The following PCDHGB6 variants were observed in gnomAD, a reference collection of about 807,000 sequenced individuals.
PCDHGB6 encodes the protein protocadherin gamma subfamily B, 6.
PCDHGB6 carries 51 observed loss-of-function variants against 59.1 expected under a neutral mutation model. That is an observed-to-expected ratio of 0.86 (90% CI 0.69 to 1.09). The LOEUF (loss-of-function observed/expected upper bound fraction) is 1.09, where lower values mean the gene tolerates loss of function less well. PCDHGB6 is among the 50% of genes least tolerant of loss of function. The probability of loss-of-function intolerance (pLI) is 0.00; values close to 1 mark genes in which losing one functional copy is unlikely to be tolerated. For synonymous variants in PCDHGB6, 466 were observed against 495.1 expected, an observed-to-expected ratio of 0.94 and a Z score of 0.78; for missense variants, 1,148 against 1,205.1, an observed-to-expected ratio of 0.95 and a Z score of 0.70.
chr5:141,409,629 C>T lies in PCDHGB6; in HGVS notation c.1427C>T (p.Ala476Val), dbSNP rs1379627250. 1.9e-6 allele frequency: 3 copies of T among 1,613,860 alleles called. No individual in the cohort carries two copies. The highest frequency in any genetic ancestry group is 4.5e-5 in the East Asian group (2 of 44,888). The change falls in exon 1 of 4, where the codon GCC becomes GTC. Residue 476 changes from alanine to valine, a missense_variant. Coordinates refer to ENST00000520790, the MANE Select transcript of PCDHGB6 (RefSeq NM_018926.3). ...GGAGCCTCCATTGCGCAAGTGAGCG[C>T]CTCTGACCCGGATTTGGGGCTCAAT... ...PPGASIAQVS[A>V]SDPDLGLNGH... is the part of the protein sequence containing the mutation.
chr5:141,417,791 C>G, intron 1 of PCDHGB6: 1 of 1,482,658 alleles, frequency 6.7e-7, no homozygotes, highest in Non-Finnish European at 9.0e-7. Context: ...GCCGAATGCT[C>G]TTTTAGCGCG....
chr5:141,460,681 A>G (rs2098995379), intron 1 of PCDHGB6, among the ~76,000 whole-genome samples: 1 of 152,134 alleles, frequency 6.6e-6, no homozygotes, highest in African/African-American at 2.4e-5. Context: ...ATATATCTAT[A>G]TATCCACCAA....
chr5:141,511,537 A>G lies in PCDHGB6; in HGVS notation c.*364A>G. 2 of 319,256 alleles carry G rather than the reference A, an allele frequency of 6.3e-6. No individual in the cohort carries two copies. Among genetic ancestry groups the G allele is most frequent in the South Asian group, 3.3e-5 (1 of 29,854 alleles). 19.8% of individuals were successfully genotyped at this position (319,256 alleles called of 1,614,324 possible). A position where few individuals can be genotyped will look rare whatever the true frequency, so the allele number is the denominator to read the frequency against. On this transcript the variant is annotated 3_prime_UTR_variant, in exon 4 of 4. Coordinates refer to ENST00000520790, the MANE Select transcript of PCDHGB6 (RefSeq NM_018926.3). ...TCCATCCCATGCCTCCCTCCTCCCC[A>G]CCCCACTCCAACAGTTCCTCTTTCC... is the stretch of plus-strand genomic sequence containing the variant.
In PCDHGB6 at chr5:141,491,144, TGGA is replaced by T. The variant is rs757881044; in HGVS notation, c.2419-3659_2419-3657del. ...GAGGTGCGCACAGCCCGGGCCTTAC[TGGA>T]GGATGACTCTGACACCCAGCAGGTG... On this transcript the variant is annotated intron_variant, in intron 1 of 3. Coordinates refer to ENST00000520790, the MANE Select transcript of PCDHGB6 (RefSeq NM_018926.3). This position sits in a 1 kb window ranked among gnomAD's most constrained non-coding sequence, Gnocchi z 6.9. The T allele has an allele frequency of 1.2e-6, 2 of 1,614,158 alleles. No individual in the cohort carries two copies. The highest frequency in any genetic ancestry group is 2.2e-5 in the South Asian group (2 of 91,086).
intron 1 of PCDHGB6, chr5:141,413,659 A>G (rs2095663872): frequency 1.2e-6 from 2 of 1,613,830 alleles, no homozygotes; most frequent in African/African-American, 1.3e-5. Flanking sequence ...CCCGGAAGCT[A>G]TTGATCCGGA....
chr5:141,439,796 G>A (rs980000701), intron 1 of PCDHGB6: 1 of 152,318 alleles, frequency 6.6e-6, no homozygotes. Flanking sequence ...AATCCAAGAA[G>A]AGTTTGAAAA....
chr5:141,511,237 T>C lies in PCDHGB6; in HGVS notation c.*64T>C, dbSNP rs886816274. 1.9e-6 allele frequency: 3 copies of C among 1,590,378 alleles called. No homozygotes were observed. The South Asian group carries it at 3.4e-5, about 18-fold the overall frequency. ...CCAACCAGCCCAGCTTCTCCTTACC[T>C]GCACCCAGGCCTCAGAGTTTCAGGG... On this transcript the variant is annotated 3_prime_UTR_variant, in exon 4 of 4. Coordinates refer to ENST00000520790, the MANE Select transcript of PCDHGB6 (RefSeq NM_018926.3).
intron 2 of PCDHGB6, among the ~76,000 whole-genome samples, chr5:141,501,847 C>T (rs976699397): frequency 1.3e-5 from 2 of 152,140 alleles, no homozygotes; most frequent in Admixed American, 6.5e-5. Context: ...GGCCCTCAAC[C>T]TTCAACCATT....
chr5:141,412,041 T>G (rs2095531468), intron 1 of PCDHGB6: 1 of 152,108 alleles, frequency 6.6e-6, no homozygotes, highest in Non-Finnish European at 1.5e-5. Context: ...GTGAAAGAAG[T>G]GAACTTCTAT....
intron 1 of PCDHGB6, chr5:141,414,525 T>C (rs1413988459): frequency 1.2e-6 from 2 of 1,613,972 alleles, no homozygotes; most frequent in South Asian, 1.1e-5. Flanking sequence ...CAGATATCAA[T>C]GACAACCCAC....
intron 1 of PCDHGB6, chr5:141,427,916 G>T: frequency 1.3e-6 from 2 of 1,578,854 alleles, no homozygotes; most frequent in East Asian, 2.2e-5. Flanking sequence ...GCGCCAACAT[G>T]AGCCGGCGCA....
At chr5:141,474,087 A>C (rs1483673747) in intron 1 of PCDHGB6, among the ~76,000 whole-genome samples, 4 of 152,198 alleles carry the variant, frequency 2.6e-5, no homozygotes, top group South Asian at 2.1e-4. Context: ...AAAACCAAAA[A>C]ACAAACAACA....
intron 1 of PCDHGB6, among the ~76,000 whole-genome samples, chr5:141,492,922 T>C (rs1191111432): frequency 1.3e-5 from 2 of 152,194 alleles, no homozygotes; most frequent in Non-Finnish European, 2.9e-5. Context: ...TGCCCAGCGA[T>C]CTAGGGTCAG....
chr5:141,421,102 T>A (rs1420706532), intron 1 of PCDHGB6: 2 of 691,286 alleles, frequency 2.9e-6, no homozygotes, highest in Admixed American at 6.2e-5. Context: ...CACTGGAGAC[T>A]TAGAAGTATT....
intron 1 of PCDHGB6, among the ~76,000 whole-genome samples, chr5:141,452,054 C>A (rs578157525): frequency 6.4e-4 from 97 of 152,196 alleles, no homozygotes; most frequent in African/African-American, 2.2e-3. Flanking sequence ...TTTGTAATAA[C>A]TTATTCTACT....
At position 141,511,519 on chromosome 5, in the gene PCDHGB6, C is replaced by A; in HGVS notation, c.*346C>A. On this transcript the variant is annotated 3_prime_UTR_variant, in exon 4 of 4. Transcript: ENST00000520790. ...CCAAATCAATCAGGCCCATCCATCC[C>A]ATGCCTCCCTCCTCCCCACCCCACT... 2.7e-6 allele frequency: 1 copy of A among 367,516 alleles called. No individual in the cohort carries two copies. The highest frequency in any genetic ancestry group is 2.7e-5 in the South Asian group (1 of 36,848). 22.8% of individuals were successfully genotyped at this position (367,516 alleles called of 1,614,324 possible). A position where few individuals can be genotyped will look rare whatever the true frequency, so the allele number is the denominator to read the frequency against.
At position 141,413,407 on chromosome 5, in the gene PCDHGB6, C is replaced by G. The variant is rs372466798; in HGVS notation, c.2418+2787C>G. The G allele has an allele frequency of 3.3e-5, 53 of 1,613,926 alleles. No homozygotes were observed. Among genetic ancestry groups the G allele is most frequent in the Middle Eastern group, 1.6e-4 (1 of 6,082 alleles). ...CATAGTCTCCAGAGGTAGGACGCAG[C>G]TTTTCTCTCTGAACCCGCGCAGCGG... On this transcript the variant is annotated intron_variant, in intron 1 of 3. Transcript: ENST00000520790.
chr5:141,469,553 G>A (rs989713451), intron 1 of PCDHGB6, among the ~76,000 whole-genome samples: 2 of 152,086 alleles, frequency 1.3e-5, no homozygotes, highest in African/African-American at 2.4e-5. Flanking sequence ...CCAGCCTGGC[G>A]ACAGAGTGAG....
At position 141,505,495 on chromosome 5, in the gene PCDHGB6, G is replaced by A. The variant is rs767547572; in HGVS notation, c.2566+14G>A. On this transcript the variant is annotated intron_variant, in intron 3 of 3. Transcript: ENST00000520790. ...CGTCCGCCAGTGGTAAGTGGTGTCA[G>A]TGTGTGTATGGAAGAGTGGGAGACC... The A allele has an allele frequency of 7.9e-5, 128 of 1,614,092 alleles. No homozygotes were observed. Among genetic ancestry groups the A allele is most frequent in the Non-Finnish European group, 1.0e-4 (123 of 1,180,008 alleles).
Sources: allele counts gnomAD v4.1 joint callset (sites outside exome capture counted in the v4.1 genomes callset), GRCh38; gene constraint gnomAD v4.1.1; non-coding constraint Gnocchi (gnomAD v3.1); transcripts MANE v1.5; gene names NCBI Gene and HGNC (gene_info 2026-07-23, HGNC 2026-07-21).